ZNF785: variants seen among roughly 807,000 people sequenced by gnomAD.
ZNF785 encodes the protein zinc finger protein 785.
In ZNF785, 15 loss-of-function variants were observed where a neutral mutation model predicts 11.3. The observed-to-expected ratio is 1.32, with a 90% CI of 0.89 to 2.04. ZNF785 has a LOEUF of 2.04. Ranked by LOEUF, ZNF785 falls within the 30% of genes most tolerant of loss-of-function variation. The pLI is 0.00. For missense variants in ZNF785, 572 were observed against 560.9 expected, an observed-to-expected ratio of 1.02 and a Z score of -0.20; for synonymous variants, 221 against 231.0, an observed-to-expected ratio of 0.96 and a Z score of 0.39.
In ZNF785 at chr16:30,582,630, G is replaced by A. The variant is rs1456623300; in HGVS notation, c.1148C>T (p.Pro383Leu). Residue 383 changes from proline (P) to leucine (L), a missense_variant, in exon 3 of 3, where the codon CCT becomes CTT. Transcript: ENST00000395216. ...TGGGGGATCCTTGCCTCCCAAAACA[G>A]GGATGGGCTCTGAACGCCCCACCAC... ...QAVVGRSEPI[P>L]VLGGKDPPVH... 1.2e-6 allele frequency: 2 copies of A among 1,614,210 alleles called. No individual in the cohort carries two copies. Among genetic ancestry groups the A allele is most frequent in the Non-Finnish European group, 8.5e-7 (1 of 1,180,052 alleles).
intron 2 of ZNF785, chr16:30,583,738 T>C (rs554068114): frequency 7.4e-5 from 20 of 270,980 alleles, no homozygotes; most frequent in African/African-American, 4.5e-4. Context: ...ACACCTGTTA[T>C]CCAAGCACTT....
In ZNF785 at chr16:30,585,579, G is replaced by A. The variant is rs1193590571; in HGVS notation, c.33C>T (p.His11=). The A allele has an allele frequency of 2.0e-6, 3 of 1,528,228 alleles. No homozygotes were observed. Among genetic ancestry groups the A allele is most frequent in the Non-Finnish European group, 1.8e-6 (2 of 1,142,462 alleles). 94.7% of individuals were successfully genotyped at this position (1,528,228 alleles called of 1,614,324 possible). ...TCCGGGGCCCGGCCTCCCCGGGTAC[G>A]TGGGCCGGGCGCGGCGCCAGGGGCG... The part of the protein sequence containing the change: MGPPLAPRPA[H]VPGEAGPRRT... Residue 11 remains histidine, a synonymous_variant, in exon 1 of 3, where the codon CAC becomes CAT. Transcript: ENST00000395216. This position sits in a 1 kb window ranked among gnomAD's most constrained non-coding sequence, Gnocchi z 4.0.
Position 30,581,285 on chromosome 16 carries a change from C to T in ZNF785, c.*1275G>A, listed in dbSNP as rs2051805316. The T allele has an allele frequency of 6.6e-6, 1 of 152,032 alleles. No homozygotes were observed. The highest frequency in any genetic ancestry group is 1.5e-5 in the Non-Finnish European group (1 of 68,066). 9.4% of individuals were successfully genotyped at this position (152,032 alleles called of 1,614,324 possible). A position where few individuals can be genotyped will look rare whatever the true frequency, so the allele number is the denominator to read the frequency against. ...CCATCCTGGCTAACACGGTGAAACC[C>T]CCGTCTCTACTAAAAATACAAAATA... On this transcript the variant is annotated 3_prime_UTR_variant, in exon 3 of 3. Transcript: ENST00000395216.
chr16:30,583,431 C>T lies in ZNF785; in HGVS notation c.347G>A (p.Gly116Glu), dbSNP rs1409054770. The T allele has an allele frequency of 6.5e-7, 1 of 1,545,424 alleles. No individual in the cohort carries two copies. The highest frequency in any genetic ancestry group is 1.2e-5 in the South Asian group (1 of 80,256). Residue 116 changes from glycine (G) to glutamate (E), a missense_variant, in exon 3 of 3, where the codon GGG (glycine) becomes GAG (glutamate). Transcript: ENST00000395216. ...GQGQEAGSRD[G>E]NEEKERLKKC... ...CTTCAGCCTTTCCTTCTCCTCATTC[C>T]CATCCCTGGATCCTGAAACAGGGAA...
rs912945613 is a variant in ZNF785 at position 30,583,153 on chromosome 16, A to C, written c.625T>G (p.Phe209Val). 1.4e-5 allele frequency: 22 copies of C among 1,613,966 alleles called. No homozygotes were observed. The highest frequency in any genetic ancestry group is 1.7e-5 in the Admixed American group (1 of 59,998). The change falls in exon 3 of 3, where the codon TTC becomes GTC. Residue 209 changes from phenylalanine (F) to valine (V), a missense_variant. Transcript: ENST00000395216. ...PFSCGQCQAR[F>V]SQRRYLLQHQ... ...TGGAGCAGGTACCTGCGCTGGGAGA[A>C]ACGCGCCTGACACTGGCCGCAGGAG...
chr16:30,583,375 C>G lies in ZNF785; in HGVS notation c.403G>C (p.Glu135Gln). Residue 135 changes from glutamate to glutamine, a missense_variant, in exon 3 of 3, where the codon GAA becomes CAA. By Grantham distance (29) the Glu-to-Gln change is conservative. Transcript: ENST00000395216. ...GGCCACCACTCCTTGACAGCCACTT[C>G]ATGCGCCACCTCTTTTTGTTTTGGA... ...KCPKQKEVAH[E>Q]VAVKEWWPSV... The G allele has an allele frequency of 1.2e-6, 2 of 1,609,318 alleles. No individual in the cohort carries two copies. The highest frequency in any genetic ancestry group is 1.7e-6 in the Non-Finnish European group (2 of 1,177,382).
chr16:30,585,380 G>C lies in ZNF785; in HGVS notation c.205+27C>G, dbSNP rs753416043. ...CACCGCTTCCCACCGACGGACTGGG[G>C]GTCCCGGCCGGAGGGCCCGGCCTCA... On this transcript the variant is annotated intron_variant, in intron 1 of 2. Coordinates refer to ENST00000395216, the MANE Select transcript of ZNF785 (RefSeq NM_152458.7). The surrounding 1 kb of genome is among the most constrained non-coding windows in gnomAD (Gnocchi z 4.0). The C allele has an allele frequency of 6.4e-7, 1 of 1,573,730 alleles. No individual in the cohort carries two copies. Among genetic ancestry groups the C allele is most frequent in the African/African-American group, 1.3e-5 (1 of 74,080 alleles).
chr16:30,582,695 G>C lies in ZNF785; in HGVS notation c.1083C>G (p.Ile361Met), dbSNP rs751335582. Reference sequence around the variant, plus strand: ...CGCGCCTCTCGCTGCAGGAGCGGTGGATCCACCGATGGGCTTCCAGGGCGG... The same window carrying C: ...CGCGCCTCTCGCTGCAGGAGCGGTGCATCCACCGATGGGCTTCCAGGGCGG... Reference protein sequence around the residue: ...RKTALEAHRWIHRSCSERRAW... With the variant: ...RKTALEAHRWMHRSCSERRAW... The change falls in exon 3 of 3, where the codon ATC (isoleucine) becomes ATG (methionine). Residue 361 changes from isoleucine (I) to methionine (M), a missense_variant. Physicochemically the swap from Ile to Met is conservative, Grantham distance 10. Transcript: ENST00000395216. 6.2e-7 allele frequency: 1 copy of C among 1,613,972 alleles called. No homozygotes were observed. Among genetic ancestry groups the C allele is most frequent in the Non-Finnish European group, 8.5e-7 (1 of 1,179,964 alleles).
downstream of ZNF785, chr16:30,579,924 G>T: frequency 2.2e-6 from 1 of 452,058 alleles, no homozygotes. Context: ...GTCTCACTTT[G>T]TCGCCCAGGC....
In ZNF785 at chr16:30,582,475, G is replaced by T. The variant is rs779055328; in HGVS notation, c.*85C>A. 2 of 1,547,034 alleles carry T rather than the reference G, an allele frequency of 1.3e-6. No individual in the cohort carries two copies. The highest frequency in any genetic ancestry group is 1.8e-6 in the Non-Finnish European group (2 of 1,141,038). ...AGGCAGAACTTTGTTTTCCTCAAAC[G>T]CCCACTTCCTTTCCTTATCCCCCAA... On this transcript the variant is annotated 3_prime_UTR_variant, in exon 3 of 3. Transcript: ENST00000395216.
chr16:30,583,025 G>C lies in ZNF785; in HGVS notation c.753C>G (p.Thr251=), dbSNP rs1210175216. The part of the protein sequence containing the change: ...GSLAIHRRAH[T]GEKPYACSDC... Reference sequence around the variant, plus strand: ...CTGAGCACGCGTAAGGCTTCTCCCCGGTGTGAGCCCGCCTGTGGATAGCCA... The same window carrying C: ...CTGAGCACGCGTAAGGCTTCTCCCCCGTGTGAGCCCGCCTGTGGATAGCCA... The change falls in exon 3 of 3, where the codon ACC becomes ACG. Residue 251 remains threonine, a synonymous_variant. Transcript: ENST00000395216. 1.9e-6 allele frequency: 3 copies of C among 1,613,978 alleles called. No homozygotes were observed. Among genetic ancestry groups the C allele is most frequent in the Non-Finnish European group, 2.5e-6 (3 of 1,179,968 alleles).
chr16:30,579,119 A>C (rs1290853577), downstream of ZNF785: 1 of 152,216 alleles, frequency 6.6e-6, no homozygotes, highest in Non-Finnish European at 1.5e-5. Flanking sequence ...CATAAAACTC[A>C]GCTGTATGCT....
chr16:30,582,906 A>C lies in ZNF785; in HGVS notation c.872T>G (p.Leu291Arg). ...CAGCAGGGAGGTGTAGGCGAAACGG[A>C]GGCTGCAATCGGGGCAGCTGTAGGG... The part of the protein sequence containing the change: ...EKPYSCPDCS[L>R]RFAYTSLLAI... Residue 291 changes from leucine (L) to arginine (R), a missense_variant, in exon 3 of 3, where the codon CTC becomes CGC. Transcript: ENST00000395216. The C allele has an allele frequency of 1.2e-6, 2 of 1,609,918 alleles. No individual in the cohort carries two copies. Among genetic ancestry groups the C allele is most frequent in the Non-Finnish European group, 1.7e-6 (2 of 1,179,124 alleles).
chr16:30,582,133 G>C lies in ZNF785; in HGVS notation c.*427C>G, dbSNP rs912007936. On this transcript the variant is annotated 3_prime_UTR_variant, in exon 3 of 3. Transcript: ENST00000395216. The stretch of plus-strand genomic sequence containing the variant: ...ATGAGCTCCGCCCCCCCCACCAGCC[G>C]AGGGACAGGCCTGAGGTATCCCCTC... The C allele has an allele frequency of 2.5e-5, 4 of 162,868 alleles. No individual in the cohort carries two copies. Among genetic ancestry groups the C allele is most frequent in the Non-Finnish European group, 5.2e-5 (4 of 76,436 alleles). 10.1% of individuals were successfully genotyped at this position (162,868 alleles called of 1,614,324 possible).
At position 30,580,761 on chromosome 16, in the gene ZNF785, C is replaced by T. The variant is rs925432025; in HGVS notation, c.*1799G>A. ...AAGTGATCCACCCTCCTCAGCCTCC[C>T]AAACTGCTAGGATTACAGGCGTGAG... On this transcript the variant is annotated 3_prime_UTR_variant, in exon 3 of 3. Transcript: ENST00000395216. The T allele has an allele frequency of 6.6e-6, 1 of 151,844 alleles. No homozygotes were observed. Among genetic ancestry groups the T allele is most frequent in the Admixed American group, 6.6e-5 (1 of 15,200 alleles). The allele number at this position is 151,844 out of a possible 1,614,324, so 9.4% of individuals were successfully genotyped here. A position where few individuals can be genotyped will look rare whatever the true frequency, so the allele number is the denominator to read the frequency against.
rs942050586 is a variant in ZNF785 at position 30,581,337 on chromosome 16, G to A, written c.*1223C>T. 2.0e-5 allele frequency: 3 copies of A among 151,736 alleles called. No individual in the cohort carries two copies. The highest frequency in any genetic ancestry group is 1.3e-4 in the Admixed American group (2 of 15,182). The allele number at this position is 151,736 out of a possible 1,614,324, so 9.4% of individuals were successfully genotyped here. ...TAGTTGGGCGTGGTGGCGGGTGCTTGTAATTCCAGCTACTCGGGAGACTGA... is the reference window on the plus strand; with the variant it reads ...TAGTTGGGCGTGGTGGCGGGTGCTTATAATTCCAGCTACTCGGGAGACTGA... On this transcript the variant is annotated 3_prime_UTR_variant, in exon 3 of 3. Coordinates refer to ENST00000395216, the MANE Select transcript of ZNF785 (RefSeq NM_152458.7).
Position 30,583,204 on chromosome 16 carries a change from G to A in ZNF785, c.574C>T (p.Arg192Trp). 1.2e-6 allele frequency: 2 copies of A among 1,614,028 alleles called. No individual in the cohort carries two copies. The highest frequency in any genetic ancestry group is 2.2e-5 in the South Asian group (2 of 91,076). Reference sequence around the variant, plus strand: ...AAGGGCCGCTCCCCGGAGTGGACCCGCTGGTGGCTGGCCAGGAGGGAAGGG... The same window carrying A: ...AAGGGCCGCTCCCCGGAGTGGACCCACTGGTGGCTGGCCAGGAGGGAAGGG... Reference protein sequence around the residue: ...SYPSLLASHQRVHSGERPFSC... With the variant: ...SYPSLLASHQWVHSGERPFSC... The change falls in exon 3 of 3, where the codon CGG becomes TGG. Residue 192 changes from arginine to tryptophan, a missense_variant. Physicochemically the swap from Arg to Trp is moderately radical, Grantham distance 101. Coordinates refer to ENST00000395216, the MANE Select transcript of ZNF785 (RefSeq NM_152458.7).
intron 2 of ZNF785, among the ~76,000 whole-genome samples, chr16:30,584,345 C>G (rs991223376): frequency 9.2e-5 from 14 of 151,944 alleles, no homozygotes; most frequent in African/African-American, 3.4e-4. Context: ...CTGCTCTTAC[C>G]ATCACCAAAA....
At position 30,585,332 on chromosome 16, in the gene ZNF785, C is replaced by T. The variant is rs1308475668; in HGVS notation, c.205+75G>A. The T allele has an allele frequency of 1.3e-6, 2 of 1,579,676 alleles. No homozygotes were observed. Among genetic ancestry groups the T allele is most frequent in the South Asian group, 2.3e-5 (2 of 87,700 alleles). ...CTCCCTCGGCGCCCCGCTTCCAGCCCACTAGCCTCTGGGGACACCGATCAC... is the reference window on the plus strand; with the variant it reads ...CTCCCTCGGCGCCCCGCTTCCAGCCTACTAGCCTCTGGGGACACCGATCAC... On this transcript the variant is annotated intron_variant, in intron 1 of 2. Transcript: ENST00000395216. The surrounding 1 kb of genome is among the most constrained non-coding windows in gnomAD (Gnocchi z 4.0).
Sources: allele counts gnomAD v4.1 joint callset (sites outside exome capture counted in the v4.1 genomes callset), GRCh38; gene constraint gnomAD v4.1.1; non-coding constraint Gnocchi (gnomAD v3.1); transcripts MANE v1.5; gene names NCBI Gene and HGNC (gene_info 2026-07-23, HGNC 2026-07-21).